CHD1: variants seen among roughly 807,000 people sequenced by gnomAD.
The protein encoded by CHD1 is ATP-dependent chromatin remodeler CHD1.
In CHD1, 36 loss-of-function variants were observed where a neutral mutation model predicts 224.2. That is an observed-to-expected ratio of 0.16 (90% CI 0.12 to 0.21). The LOEUF is 0.21. CHD1 is among the 10% of genes least tolerant of loss of function. The pLI is 1.00. For synonymous variants in CHD1, 668 were observed against 658.3 expected (o/e 1.01, Z -0.23); for missense variants, 1,378 against 1,994.8 (o/e 0.69, Z 5.89).
chr5:98,890,036 A>G (rs1201319732), intron 15 of CHD1, among the ~76,000 whole-genome samples: 1 of 152,158 alleles, frequency 6.6e-6, no homozygotes, highest in Non-Finnish European at 1.5e-5. Flanking sequence ...ATGTAACAAC[A>G]CTGTCGACTA....
chr5:98,901,420 A>C, intron 5 of CHD1, 85 bp from the exon 6 acceptor site: 1 of 1,070,736 alleles, frequency 9.3e-7, no homozygotes, highest in Non-Finnish European at 1.3e-6. Context: ...AATCAACCAA[A>C]CTATATTCGC....
chr5:98,924,265 G>GA lies in CHD1; in HGVS notation c.53+2068dup, dbSNP rs541267307. Among the ~76,000 whole-genome samples the GA allele has an allele frequency of 6.3e-3, 936 of 147,954 alleles. 10 individuals carry two copies. The highest frequency in any genetic ancestry group is 0.02 in the African/African-American group (789 of 40,310). ...GGCCCTGTCTCAAAAGAAAAGAAAA[G>GA]AAAAAAAAAATTGTGGGTGGACAAT... On this transcript the variant is annotated intron_variant, in intron 2 of 35. Transcript: ENST00000614616.
At chr5:98,925,888 A>C (rs1753422775) in intron 2 of CHD1, among the ~76,000 whole-genome samples, 1 of 151,140 alleles carries the variant, frequency 6.6e-6, no homozygotes, top group African/African-American at 2.4e-5. Flanking sequence ...AATATTTTGT[A>C]ATTGAGTTCA....
intron 22 of CHD1, among the ~76,000 whole-genome samples, chr5:98,880,485 TG>T (rs1307802022): frequency 6.6e-6 from 1 of 152,196 alleles, no homozygotes; most frequent in Non-Finnish European, 1.5e-5. Flanking sequence ...TGAAATGAAT[TG>T]ATCTTTAAAA....
intron 33 of CHD1, 150 bp downstream of exon 33, chr5:98,859,822 G>T: frequency 2.3e-6 from 1 of 425,698 alleles, no homozygotes; most frequent in Non-Finnish European, 4.3e-6. Flanking sequence ...TGTGAATCTC[G>T]CCTGCAACAA....
intron 2 of CHD1, among the ~76,000 whole-genome samples, chr5:98,906,764 T>C (rs939486287): frequency 1.3e-5 from 2 of 152,252 alleles, no homozygotes; most frequent in African/African-American, 2.4e-5. Context: ...AGAGTATCTC[T>C]TTCTTTTGAG....
Position 98,883,723 on chromosome 5 carries a change from CAAG to C in CHD1, c.2569-489_2569-487del, listed in dbSNP as rs1431144171. The C allele has an allele frequency of 3.7e-5, 6 of 160,880 alleles. No individual in the cohort carries two copies. The East Asian group carries it at 1.1e-3, about 29-fold the overall frequency. The allele number at this position is 160,880 out of a possible 1,614,324, so 10.0% of individuals were successfully genotyped here. On this transcript the variant is annotated intron_variant, in intron 18 of 35. Transcript: ENST00000614616. ...ACCAGCCCAAACGCCCATCAATCAA[CAAG>C]AAGATAAACTGTGGTATACATACAC...
intron 31 of CHD1, among the ~76,000 whole-genome samples, chr5:98,865,198 T>C (rs779371954): frequency 6.6e-6 from 1 of 152,106 alleles, no homozygotes; most frequent in Non-Finnish European, 1.5e-5. Flanking sequence ...AACATGAAAG[T>C]CCTAAAACTT....
At chr5:98,874,865 T>C (rs1164137578) in intron 25 of CHD1, among the ~76,000 whole-genome samples, 1 of 152,168 alleles carries the variant, frequency 6.6e-6, no homozygotes, top group Non-Finnish European at 1.5e-5. Flanking sequence ...ATAGATAATT[T>C]ACAGGAAAGA....
chr5:98,927,213 G>A lies in CHD1; in HGVS notation c.-148-679C>T, dbSNP rs1753527637. Among the ~76,000 whole-genome samples, 2 of 152,064 alleles carry A rather than the reference G, an allele frequency of 1.3e-5. 1 individual carries two copies. The highest frequency in any genetic ancestry group is 4.1e-4 in the South Asian group (2 of 4,822). ...ATATACACTATATCTGATTTTTTAC[G>A]TAAAAAATTTGGGGCAAGAATAATG... On this transcript the variant is annotated intron_variant, in intron 1 of 35. Coordinates refer to ENST00000614616, the MANE Select transcript of CHD1 (RefSeq NM_001270.4).
intron 2 of CHD1, among the ~76,000 whole-genome samples, chr5:98,923,004 A>T (rs1175606398): frequency 6.6e-6 from 1 of 152,198 alleles, no homozygotes; most frequent in Admixed American, 6.5e-5. Flanking sequence ...AAAGAAAAAA[A>T]ATTACTCTAT....
Position 98,881,960 on chromosome 5 carries a change from TAATC to T in CHD1, c.2867+11_2867+14del, listed in dbSNP as rs1178129977. On this transcript the variant is annotated intron_variant, in intron 20 of 35. Coordinates refer to ENST00000614616, the MANE Select transcript of CHD1 (RefSeq NM_001270.4). Reference sequence around the variant, plus strand: ...TGACTCTAAAATGACATTTTTTTAATAATCAAGTAACCACCTTGATGGGGCAGAA... The same window carrying T: ...TGACTCTAAAATGACATTTTTTTAATAAGTAACCACCTTGATGGGGCAGAA... 1 of 1,605,428 alleles carries T rather than the reference TAATC, an allele frequency of 6.2e-7. No homozygotes were observed. Among genetic ancestry groups the T allele is most frequent in the South Asian group, 1.1e-5 (1 of 89,810 alleles).
intron 14 of CHD1, 61 bp from the exon 15 acceptor site, chr5:98,892,774 T>A: frequency 3.4e-6 from 4 of 1,191,166 alleles, no homozygotes; most frequent in Non-Finnish European, 4.5e-6. Flanking sequence ...ATGTTGTGTA[T>A]GAACTTTTTT....
At chr5:98,867,198 A>G (rs1024402359) in intron 31 of CHD1, among the ~76,000 whole-genome samples, 6 of 152,202 alleles carry the variant, frequency 3.9e-5, no homozygotes, top group Non-Finnish European at 8.8e-5. Flanking sequence ...ATAAATTATA[A>G]TTATCTTCAG....
Position 98,856,580 on chromosome 5 carries a change from A to G in CHD1, c.4933T>C (p.Ser1645Pro). The G allele has an allele frequency of 6.2e-7, 1 of 1,613,760 alleles. No individual in the cohort carries two copies. Among genetic ancestry groups the G allele is most frequent in the Non-Finnish European group, 8.5e-7 (1 of 1,179,768 alleles). Reference protein sequence around the residue: ...SDHRLHSDHRSSSEYTHHKSS... With the variant: ...SDHRLHSDHRPSSEYTHHKSS... ...TTATGGTGCGTATATTCAGAACTTGACCGGTGGTCTGAATGTAACCGATGA... is the reference window on the plus strand; with the variant it reads ...TTATGGTGCGTATATTCAGAACTTGGCCGGTGGTCTGAATGTAACCGATGA... The change falls in exon 36 of 36, where the codon TCA (serine) becomes CCA (proline). Residue 1645 changes from serine (S) to proline (P), a missense_variant. Coordinates refer to ENST00000614616, the MANE Select transcript of CHD1 (RefSeq NM_001270.4).
chr5:98,923,850 A>C (rs1376140623), intron 2 of CHD1, among the ~76,000 whole-genome samples: 1 of 152,246 alleles, frequency 6.6e-6, no homozygotes, highest in Admixed American at 6.5e-5. Flanking sequence ...CTGTCTGCAT[A>C]TCCAACTAGA....
Position 98,901,013 on chromosome 5 carries a change from A to C in CHD1, c.657T>G (p.Asp219Glu), listed in dbSNP as rs371007031. 9.4e-5 allele frequency: 152 copies of C among 1,613,440 alleles called. No individual in the cohort carries two copies. Among genetic ancestry groups the C allele is most frequent in the East Asian group, 7.6e-4 (34 of 44,852 alleles). The change falls in exon 7 of 36, where the codon GAT becomes GAG. Residue 219 changes from aspartate (D) to glutamate (E), a missense_variant. Transcript: ENST00000614616. ...KKRQIDSSEE[D>E]DDEEDYDNDK... The stretch of plus-strand genomic sequence containing the variant: ...CATTATCATAATCTTCTTCATCATC[A>C]TCCTCCTCAGATGAATCAATCTGTC...
chr5:98,893,403 A>G lies in CHD1; in HGVS notation c.1991+13T>C. ...ATCCACACAATATGATTAAAATTGTAAAGTTGTCTTACTTTTCTGGCATAA... is the reference window on the plus strand; with the variant it reads ...ATCCACACAATATGATTAAAATTGTGAAGTTGTCTTACTTTTCTGGCATAA... On this transcript the variant is annotated intron_variant, in intron 14 of 35. Transcript: ENST00000614616. 6.4e-7 allele frequency: 1 copy of G among 1,560,734 alleles called. No homozygotes were observed. The highest frequency in any genetic ancestry group is 8.7e-7 in the Non-Finnish European group (1 of 1,150,050).
rs1752409642 is a variant in CHD1, at chr5:98,911,316, T to C, written c.54-6218A>G. 3.3e-5 allele frequency among the ~76,000 whole-genome samples: 5 copies of C among 151,604 alleles called. No homozygotes were observed. The South Asian group carries it at 1.0e-3, about 32-fold the overall frequency. The stretch of plus-strand genomic sequence containing the variant: ...TGCTCAGTAAATAAAACAGGAACCC[T>C]TGAGTCTGTGCTGATGACAGAAACA... On this transcript the variant is annotated intron_variant, in intron 2 of 35. Transcript: ENST00000614616.
Sources: allele counts gnomAD v4.1 joint callset (sites outside exome capture counted in the v4.1 genomes callset), GRCh38; gene constraint gnomAD v4.1.1; transcripts MANE v1.5; gene names NCBI Gene and HGNC (gene_info 2026-07-23, HGNC 2026-07-21).